ZNRF3: variants seen among roughly 807,000 people sequenced by gnomAD.
ZNRF3 encodes E3 ubiquitin-protein ligase ZNRF3.
In ZNRF3, 23 loss-of-function variants were observed where a neutral mutation model predicts 72.5. The ratio of observed to expected loss-of-function variants is 0.32; its 90% CI spans 0.23 to 0.45. The LOEUF (loss-of-function observed/expected upper bound fraction) is 0.45. ZNRF3 is among the 20% of genes least tolerant of loss of function. The pLI is 1.00. For missense variants in ZNRF3, 1,169 were observed against 1,272.1 expected (o/e 0.92, Z 1.23); for synonymous variants, 610 against 545.3 (o/e 1.12, Z -1.65).
chr22:28,965,527 G>GT (rs1262308785), intron 1 of ZNRF3, among the ~76,000 whole-genome samples: 1 of 152,212 alleles, frequency 6.6e-6, no homozygotes, highest in Non-Finnish European at 1.5e-5. Context: ...CCCTGCCTCA[G>GT]TGGACATCAG....
chr22:28,915,854 C>T (rs1375815775), intron 1 of ZNRF3, among the ~76,000 whole-genome samples: 3 of 152,166 alleles, frequency 2.0e-5, no homozygotes, highest in Non-Finnish European at 2.9e-5. Context: ...CGGGCACCGC[C>T]CCCATATCCC....
chr22:28,994,280 G>A (rs1289189527), intron 2 of ZNRF3, among the ~76,000 whole-genome samples: 8 of 144,640 alleles, frequency 5.5e-5, no homozygotes, highest in African/African-American at 1.6e-4. Flanking sequence ...TCCGCCTCCC[G>A]GGTTCAAGTG....
chr22:28,926,235 A>G (rs988031175), intron 1 of ZNRF3, among the ~76,000 whole-genome samples: 6 of 152,160 alleles, frequency 3.9e-5, no homozygotes, highest in Non-Finnish European at 5.9e-5. Context: ...TTTTTGTGCA[A>G]TGGGGTGGAG....
intron 1 of ZNRF3, among the ~76,000 whole-genome samples, chr22:28,965,318 GT>G (rs1434595859): frequency 2.6e-5 from 4 of 152,198 alleles, no homozygotes; most frequent in African/African-American, 9.7e-5. Context: ...CATTTACTAT[GT>G]GCTTGCCTCG....
intron 8 of ZNRF3, 86 bp from the exon 9 acceptor site, chr22:29,053,493 T>G: frequency 7.4e-7 from 1 of 1,355,734 alleles, no homozygotes; most frequent in Non-Finnish European, 1.0e-6. Flanking sequence ...TGCCACATGC[T>G]GGGGACAGGG....
At chr22:28,904,869 A>G (rs1404819830) in intron 1 of ZNRF3, among the ~76,000 whole-genome samples, 1 of 151,580 alleles carries the variant, frequency 6.6e-6, no homozygotes, top group Non-Finnish European at 1.5e-5. Flanking sequence ...AATCTGGCTC[A>G]GGAATCTGTT....
intron 1 of ZNRF3, among the ~76,000 whole-genome samples, chr22:28,930,915 C>T (rs2034694678): frequency 6.6e-6 from 1 of 152,140 alleles, no homozygotes; most frequent in South Asian, 2.1e-4. Context: ...GGGTCTTTGT[C>T]ATAGGTTTTG....
At chr22:28,915,870 A>T (rs963860135) in intron 1 of ZNRF3, among the ~76,000 whole-genome samples, 3 of 152,098 alleles carry the variant, frequency 2.0e-5, no homozygotes, top group Non-Finnish European at 4.4e-5. Context: ...ATCCCACCCC[A>T]TGCATCCAGT....
intron 1 of ZNRF3, among the ~76,000 whole-genome samples, chr22:28,894,330 A>AATACTGGCT (rs1348785823): frequency 4.8e-5 from 7 of 146,926 alleles, no homozygotes; most frequent in Non-Finnish European, 5.9e-5. Context: ...TAAATAGTAA[A>AATACTGGCT]ATACTGGCTT....
intron 1 of ZNRF3, among the ~76,000 whole-genome samples, chr22:28,885,520 A>G (rs1469178391): frequency 6.6e-6 from 1 of 150,926 alleles, no homozygotes; most frequent in Non-Finnish European, 1.5e-5. Context: ...GCTCCTTGGC[A>G]ACTTCTTGTC....
intron 2 of ZNRF3, among the ~76,000 whole-genome samples, chr22:29,032,478 A>C (rs1465375309): frequency 6.6e-6 from 1 of 152,230 alleles, no homozygotes; most frequent in Non-Finnish European, 1.5e-5. Context: ...TCGAACTGAC[A>C]ACCAGTAAAA....
chr22:28,972,704 T>G (rs1954984958), intron 1 of ZNRF3, among the ~76,000 whole-genome samples: 1 of 152,242 alleles, frequency 6.6e-6, no homozygotes, highest in South Asian at 2.1e-4. Flanking sequence ...CCAAAGTGGC[T>G]GCTCCATTCT....
chr22:28,934,457 T>C (rs2034783492), intron 1 of ZNRF3, among the ~76,000 whole-genome samples: 1 of 152,072 alleles, frequency 6.6e-6, no homozygotes, highest in African/African-American at 2.4e-5. Context: ...AATGTTGAAG[T>C]AAGAAAGAAA....
At chr22:28,908,691 C>T (rs761584043) in intron 1 of ZNRF3, among the ~76,000 whole-genome samples, 24 of 152,110 alleles carry the variant, frequency 1.6e-4, no homozygotes, top group African/African-American at 5.6e-4. Context: ...TTGCTGGATG[C>T]GCGGTCAGTT....
At chr22:28,945,598 TG>T (rs2035039786) in intron 1 of ZNRF3, among the ~76,000 whole-genome samples, 1 of 151,910 alleles carries the variant, frequency 6.6e-6, no homozygotes, top group African/African-American at 2.4e-5. Flanking sequence ...GGTGCGATCT[TG>T]GCTCACTGCA....
chr22:28,928,549 A>G (rs2034644524), intron 1 of ZNRF3, among the ~76,000 whole-genome samples: 1 of 136,504 alleles, frequency 7.3e-6, no homozygotes, highest in African/African-American at 2.8e-5. Context: ...GCTGGAGTGC[A>G]GTGGCACAAT....
At chr22:29,042,714 A>G (rs2123881247) in intron 3 of ZNRF3, 145 bp downstream of exon 3, 1 of 745,128 alleles carries the variant, frequency 1.3e-6, no homozygotes, top group East Asian at 2.7e-5. Context: ...TTTGGACATA[A>G]TTCCCAAAGG....
chr22:29,053,735 G>T lies in ZNRF3; in HGVS notation c.*113G>T. 1 of 1,124,864 alleles carries T rather than the reference G, an allele frequency of 8.9e-7. No individual in the cohort carries two copies. Among genetic ancestry groups the T allele is most frequent in the Non-Finnish European group, 1.3e-6 (1 of 790,428 alleles). The allele number at this position is 1,124,864 out of a possible 1,614,324, so 69.7% of individuals were successfully genotyped here. A position where few individuals can be genotyped will look rare whatever the true frequency, so the allele number is the denominator to read the frequency against. Reference sequence around the variant, plus strand: ...TTAGCTTTGACAAACACACAAAAGTGGTAATAAAGAGAGCCCTCCTTGTCA... The same window carrying T: ...TTAGCTTTGACAAACACACAAAAGTTGTAATAAAGAGAGCCCTCCTTGTCA... On this transcript the variant is annotated 3_prime_UTR_variant, in exon 9 of 9. Coordinates refer to ENST00000544604, the MANE Select transcript of ZNRF3 (RefSeq NM_001206998.2).
intron 2 of ZNRF3, among the ~76,000 whole-genome samples, chr22:29,020,248 C>CTT (rs2036507168): frequency 1.1e-5 from 1 of 94,920 alleles, no homozygotes; most frequent in Non-Finnish European, 2.3e-5. Flanking sequence ...ACACAACCAT[C>CTT]CTTTTTTTTT....
Sources: gnomAD v4.1 joint callset for allele counts (sites outside exome capture counted in the v4.1 genomes callset) on GRCh38, gnomAD v4.1.1 for gene constraint, MANE v1.5 for transcripts, NCBI Gene and HGNC (gene_info 2026-07-23, HGNC 2026-07-21) for gene names.